Variants in DYNC1I2 observed in about 807,000 individuals in gnomAD.
The protein encoded by DYNC1I2 is dynein cytoplasmic 1 intermediate chain 2.
In DYNC1I2, 53 loss-of-function variants were observed where a neutral mutation model predicts 88.6. The ratio of observed to expected loss-of-function variants is 0.60; its 90% CI spans 0.48 to 0.75. The LOEUF is 0.75. Ranked by LOEUF, DYNC1I2 falls within the 30% of genes least tolerant of loss-of-function variation. The probability of loss-of-function intolerance (pLI) is 0.00; values close to 1 mark genes in which losing one functional copy is unlikely to be tolerated. For missense variants in DYNC1I2, 458 were observed against 766.6 expected (o/e 0.60, Z 4.75); for synonymous variants, 198 against 254.6 (o/e 0.78, Z 2.12).
intron 1 of DYNC1I2, chr2:171,688,235 C>T (rs1376503657): frequency 1.3e-5 from 2 of 152,192 alleles, no homozygotes; most frequent in Non-Finnish European, 2.9e-5. Context: ...TAGTGTCTCC[C>T]CTCACCTTAT....
intron 3 of DYNC1I2, among the ~76,000 whole-genome samples, chr2:171,704,756 A>T (rs1001569997): frequency 1.3e-5 from 2 of 152,112 alleles, no homozygotes; most frequent in South Asian, 2.1e-4. Context: ...GGTTTATTGA[A>T]GTCTGGGAAT....
At chr2:171,710,112 TA>T (rs1357808593) in intron 5 of DYNC1I2, among the ~76,000 whole-genome samples, 3 of 122,024 alleles carry the variant, frequency 2.5e-5, no homozygotes, top group Non-Finnish European at 3.4e-5. Context: ...TATTCATTTT[TA>T]TGTATATATA....
At chr2:171,707,923 C>G (rs1272894974) in intron 5 of DYNC1I2, among the ~76,000 whole-genome samples, 2 of 152,162 alleles carry the variant, frequency 1.3e-5, no homozygotes, top group Non-Finnish European at 2.9e-5. Flanking sequence ...GAACTTGCAT[C>G]TTCCTTGTAA....
Position 171,745,937 on chromosome 2 carries a change from TC to T in DYNC1I2, c.1803+13del. Reference sequence around the variant, plus strand: ...ATACGATGTGGGAGAGGTATGGGACTCCCTGCCTGTAATTTTGACACATCGA... The same window carrying T: ...ATACGATGTGGGAGAGGTATGGGACTCCTGCCTGTAATTTTGACACATCGA... On this transcript the variant is annotated intron_variant, in intron 17 of 17. Transcript: ENST00000397119. The T allele has an allele frequency of 6.2e-7, 1 of 1,612,866 alleles. No individual in the cohort carries two copies. Among genetic ancestry groups the T allele is most frequent in the Non-Finnish European group, 8.5e-7 (1 of 1,179,238 alleles).
At chr2:171,697,730 C>T (rs1011865885) in intron 3 of DYNC1I2, among the ~76,000 whole-genome samples, 2 of 151,690 alleles carry the variant, frequency 1.3e-5, no homozygotes, top group Non-Finnish European at 2.9e-5. Flanking sequence ...TGATAGCAGG[C>T]ACCTGTAGTC....
chr2:171,747,520 C>T (rs1428872953), intron 17 of DYNC1I2, among the ~76,000 whole-genome samples: 1 of 152,080 alleles, frequency 6.6e-6, no homozygotes, highest in East Asian at 1.9e-4. Context: ...ATTTACAAAG[C>T]ATCATTGTTA....
chr2:171,703,367 C>CT (rs1199813977), intron 3 of DYNC1I2, among the ~76,000 whole-genome samples: 1 of 152,104 alleles, frequency 6.6e-6, no homozygotes, highest in African/African-American at 2.4e-5. Context: ...TCCTGAGTAG[C>CT]TGGGACTACA....
At chr2:171,728,567 A>T in intron 13 of DYNC1I2, 149 bp downstream of exon 13, 1 of 831,946 alleles carries the variant, frequency 1.2e-6, no homozygotes, top group Admixed American at 3.4e-5. Flanking sequence ...TTTGTTTCAT[A>T]TATATATATT....
In DYNC1I2 at chr2:171,688,895, C is replaced by T. The variant is rs534662305; in HGVS notation, c.-9-1252C>T. Reference sequence around the variant, plus strand: ...TTTTCTTGATCTAAAGCATTTAATACTTCACTTGTACAGAGACATTGAAAG... The same window carrying T: ...TTTTCTTGATCTAAAGCATTTAATATTTCACTTGTACAGAGACATTGAAAG... On this transcript the variant is annotated intron_variant, in intron 1 of 17. Coordinates refer to ENST00000397119, the MANE Select transcript of DYNC1I2 (RefSeq NM_001378.3). Among the ~76,000 whole-genome samples the T allele has an allele frequency of 5.9e-5, 9 of 152,206 alleles. No homozygotes were observed. The East Asian group carries it at 1.7e-3, about 29-fold the overall frequency.
chr2:171,730,869 G>A (rs1688557693), intron 15 of DYNC1I2, among the ~76,000 whole-genome samples: 1 of 152,000 alleles, frequency 6.6e-6, no homozygotes, highest in Non-Finnish European at 1.5e-5. Flanking sequence ...ATCAAGTGTT[G>A]GCCTTAGAAG....
Position 171,728,431 on chromosome 2 carries a change from T to C in DYNC1I2, c.1257+13T>C. ...TTCCCATCCACAGGTGGGTTAAACTTGGGAAACTGAAATTTTGAGGCAAAT... is the reference window on the plus strand; with the variant it reads ...TTCCCATCCACAGGTGGGTTAAACTCGGGAAACTGAAATTTTGAGGCAAAT... On this transcript the variant is annotated intron_variant, in intron 13 of 17. Coordinates refer to ENST00000397119, the MANE Select transcript of DYNC1I2 (RefSeq NM_001378.3). 1 of 1,503,972 alleles carries C rather than the reference T, an allele frequency of 6.6e-7. No individual in the cohort carries two copies. The highest frequency in any genetic ancestry group is 1.2e-5 in the South Asian group (1 of 82,076). 93.2% of individuals were successfully genotyped at this position (1,503,972 alleles called of 1,614,324 possible). A position where few individuals can be genotyped will look rare whatever the true frequency, so the allele number is the denominator to read the frequency against.
chr2:171,717,911 G>T (rs1012283928), intron 7 of DYNC1I2, among the ~76,000 whole-genome samples: 1 of 151,172 alleles, frequency 6.6e-6, no homozygotes, highest in Non-Finnish European at 1.5e-5. Context: ...ACTATTTTGA[G>T]TAATGCCTAT....
chr2:171,711,461 G>A (rs539724695), intron 5 of DYNC1I2, among the ~76,000 whole-genome samples: 2 of 152,230 alleles, frequency 1.3e-5, no homozygotes, highest in South Asian at 4.1e-4. Context: ...CTTGATTTTA[G>A]ACTAAAATGA....
At position 171,696,526 on chromosome 2, in the gene DYNC1I2, A is replaced by T. The variant is rs569523184; in HGVS notation, c.226+3632A>T. Among the ~76,000 whole-genome samples the T allele has an allele frequency of 7.2e-5, 11 of 152,242 alleles. 2 individuals carry two copies. The highest frequency in any genetic ancestry group is 2.6e-4 in the African/African-American group (11 of 41,542). On this transcript the variant is annotated intron_variant, in intron 3 of 17. Coordinates refer to ENST00000397119, the MANE Select transcript of DYNC1I2 (RefSeq NM_001378.3). ...AAAGAAATTGTTTCCTACATTGTGG[A>T]TGCAAATATATTCTTCTATGTTTTT...
chr2:171,725,471 G>C (rs184558873), intron 7 of DYNC1I2, 147 bp from the exon 8 acceptor site: 5 of 550,774 alleles, frequency 9.1e-6, no homozygotes, highest in Middle Eastern at 4.7e-4. Flanking sequence ...TGTTCTGTCC[G>C]GTCAGTGGTT....
chr2:171,747,981 A>G lies in DYNC1I2; in HGVS notation c.*92A>G, dbSNP rs1363678711. 6 of 896,132 alleles carry G rather than the reference A, an allele frequency of 6.7e-6. No individual in the cohort carries two copies. Among genetic ancestry groups the G allele is most frequent in the Non-Finnish European group, 9.9e-6 (6 of 605,986 alleles). 55.5% of individuals were successfully genotyped at this position (896,132 alleles called of 1,614,324 possible). ...GCATGCTTCTGTCTAAATGATAATT[A>G]AAAGGAAATTTCATGGATTAAACCA... On this transcript the variant is annotated 3_prime_UTR_variant, in exon 18 of 18. Coordinates refer to ENST00000397119, the MANE Select transcript of DYNC1I2 (RefSeq NM_001378.3).
chr2:171,716,796 C>T (rs1687526253), intron 7 of DYNC1I2, among the ~76,000 whole-genome samples: 1 of 151,832 alleles, frequency 6.6e-6, no homozygotes, highest in African/African-American at 2.4e-5. Flanking sequence ...ATCCCAACTA[C>T]TCTGGAGGCT....
chr2:171,693,902 A>G (rs574476119), intron 3 of DYNC1I2, among the ~76,000 whole-genome samples: 8 of 152,260 alleles, frequency 5.3e-5, no homozygotes, highest in African/African-American at 1.4e-4. Flanking sequence ...TAACTAAACC[A>G]AGTTGCTTGT....
chr2:171,746,361 A>T (rs1689780140), intron 17 of DYNC1I2, among the ~76,000 whole-genome samples: 1 of 152,138 alleles, frequency 6.6e-6, no homozygotes, highest in African/African-American at 2.4e-5. Flanking sequence ...GTGCATCTTG[A>T]CTCTTAAGCC....
Sources: allele counts gnomAD v4.1 joint callset (sites outside exome capture counted in the v4.1 genomes callset), GRCh38; gene constraint gnomAD v4.1.1; transcripts MANE v1.5; gene names NCBI Gene and HGNC (gene_info 2026-07-23, HGNC 2026-07-21).